The following GALNT14 variants were observed in gnomAD, a reference collection of about 807,000 sequenced individuals.
GALNT14 encodes the protein polypeptide N-acetylgalactosaminyltransferase 14, also known as UDP-GalNAc:polypeptide N-acetylgalactosaminyltransferase 14.
GALNT14 carries 60 observed loss-of-function variants against 77.5 expected under a neutral mutation model. The ratio of observed to expected loss-of-function variants is 0.77; its 90% confidence interval spans 0.63 to 0.96. The LOEUF is 0.96. Among genes scored for constraint, GALNT14 ranks in the 40% least tolerant of loss-of-function variants. The pLI, the probability that GALNT14 is intolerant of heterozygous loss-of-function variation, is 0.00. For missense variants in GALNT14, 710 were observed against 731.0 expected, an observed-to-expected ratio of 0.97 and a Z score of 0.33; for synonymous variants, 280 against 281.7, an observed-to-expected ratio of 0.99 and a Z score of 0.06.
At chr2:30,909,488 T>C (rs1303502343), downstream of GALNT14, among the ~76,000 whole-genome samples, 1 of 150,770 alleles carries the variant, frequency 6.6e-6, no homozygotes, top group African/African-American at 2.4e-5. Flanking sequence ...ATCAGAGAAA[T>C]GCAAATCAAA....
intron 1 of GALNT14, among the ~76,000 whole-genome samples, chr2:31,005,488 A>G (rs1347227954): frequency 1.3e-5 from 2 of 152,338 alleles, no homozygotes; most frequent in Admixed American, 6.5e-5. Context: ...CAGAAGTGAG[A>G]TGAGACATGA....
At chr2:31,099,615 A>T (rs1390584180) in intron 1 of GALNT14, among the ~76,000 whole-genome samples, 2 of 152,046 alleles carry the variant, frequency 1.3e-5, no homozygotes, top group East Asian at 3.9e-4. Context: ...ATTTTCACCC[A>T]CAGGGCTACC....
At chr2:31,096,207 C>G (rs1427506738) in intron 1 of GALNT14, among the ~76,000 whole-genome samples, 1 of 152,164 alleles carries the variant, frequency 6.6e-6, no homozygotes, top group East Asian at 1.9e-4. Context: ...AAGATACTCT[C>G]CTTATTTTAA....
chr2:31,136,378 T>C (rs1679230178), intron 1 of GALNT14, among the ~76,000 whole-genome samples: 1 of 152,194 alleles, frequency 6.6e-6, no homozygotes, highest in African/African-American at 2.4e-5. Context: ...TGGAATGCCC[T>C]TTCTACCTAC....
chr2:31,082,580 A>C (rs1422988046), intron 1 of GALNT14, among the ~76,000 whole-genome samples: 1 of 152,224 alleles, frequency 6.6e-6, no homozygotes, highest in East Asian at 1.9e-4. Context: ...CAGGTGAACT[A>C]ACTATAACCT....
At chr2:30,951,434 AGAG>A (rs2148304741) in intron 6 of GALNT14, among the ~76,000 whole-genome samples, 1 of 152,212 alleles carries the variant, frequency 6.6e-6, no homozygotes, top group South Asian at 2.1e-4. Flanking sequence ...GGCAGGGAGA[AGAG>A]GAGAATGAGG....
intron 1 of GALNT14, among the ~76,000 whole-genome samples, chr2:31,034,614 T>C (rs1672602188): frequency 6.6e-6 from 1 of 152,200 alleles, no homozygotes; most frequent in African/African-American, 2.4e-5. Context: ...TTAATTTTCT[T>C]CCTTCAGTTG....
intron 1 of GALNT14, among the ~76,000 whole-genome samples, chr2:31,091,942 G>A (rs1163097059): frequency 6.6e-6 from 1 of 152,124 alleles, no homozygotes; most frequent in Non-Finnish European, 1.5e-5. Flanking sequence ...TGCCAGTGCG[G>A]CTAGAATAAA....
intron 1 of GALNT14, among the ~76,000 whole-genome samples, chr2:31,024,268 T>C (rs1040056048): frequency 1.3e-5 from 2 of 152,094 alleles, no homozygotes; most frequent in Non-Finnish European, 2.9e-5. Flanking sequence ...CCTTAGAGAT[T>C]ATTCCCCACA....
intron 2 of GALNT14, among the ~76,000 whole-genome samples, chr2:30,974,726 C>T (rs1473522175): frequency 1.3e-5 from 2 of 152,200 alleles, no homozygotes; most frequent in Non-Finnish European, 2.9e-5. Context: ...CTGTGTTCAC[C>T]CCATTGCTGT....
At chr2:30,959,979 C>T (rs948073371) in intron 3 of GALNT14, among the ~76,000 whole-genome samples, 5 of 152,210 alleles carry the variant, frequency 3.3e-5, no homozygotes, top group Admixed American at 3.3e-4. Context: ...TGAGCCCTGA[C>T]TGGAGAGCAC....
At chr2:31,015,074 G>C (rs1671269074) in intron 1 of GALNT14, among the ~76,000 whole-genome samples, 1 of 152,094 alleles carries the variant, frequency 6.6e-6, no homozygotes, top group Non-Finnish European at 1.5e-5. Context: ...TGGATCACCT[G>C]AGGTCAGGAG....
intron 1 of GALNT14, chr2:31,114,635 A>C: frequency 1.6e-6 from 1 of 639,048 alleles, no homozygotes; most frequent in Non-Finnish European, 2.9e-6. Flanking sequence ...AGAAATTTCG[A>C]GAACAGACTC....
At chr2:31,114,959 C>T (rs964063252) in intron 1 of GALNT14, 10 of 617,062 alleles carry the variant, frequency 1.6e-5, no homozygotes, top group African/African-American at 1.1e-4. Context: ...AATGGAAAAC[C>T]ATCCAGGCCA....
At chr2:31,129,539 A>T in intron 1 of GALNT14, 1 of 985,418 alleles carries the variant, frequency 1.0e-6, no homozygotes, top group Non-Finnish European at 1.2e-6. Flanking sequence ...GGGTGCCTTA[A>T]TTAATCCACA....
chr2:30,981,743 T>A, intron 2 of GALNT14, among the ~76,000 whole-genome samples: 1 of 147,768 alleles, frequency 6.8e-6, no homozygotes, highest in South Asian at 2.1e-4. Flanking sequence ...AGTTTCCGCA[T>A]GCTTTTACCG....
At chr2:30,916,165 A>G (rs1437328559) in intron 13 of GALNT14, among the ~76,000 whole-genome samples, 2 of 152,220 alleles carry the variant, frequency 1.3e-5, no homozygotes, top group East Asian at 3.8e-4. Flanking sequence ...CTCAGACCTT[A>G]GTTATAGATT....
At chr2:31,136,565 T>C (rs1679236897) in intron 1 of GALNT14, among the ~76,000 whole-genome samples, 1 of 152,156 alleles carries the variant, frequency 6.6e-6, no homozygotes, top group African/African-American at 2.4e-5. Flanking sequence ...TATCTCTCTC[T>C]ACCCATAGCA....
intron 2 of GALNT14, among the ~76,000 whole-genome samples, chr2:30,982,624 T>G (rs1352144893): frequency 1.3e-5 from 2 of 152,210 alleles, no homozygotes; most frequent in African/African-American, 4.8e-5. Context: ...CTACAGCTTT[T>G]GAAGACAAGG....
Sources: gnomAD v4.1 joint callset for allele counts (sites outside exome capture counted in the v4.1 genomes callset) on GRCh38, gnomAD v4.1.1 for gene constraint, MANE v1.5 for transcripts, NCBI Gene and HGNC (gene_info 2026-07-23, HGNC 2026-07-21) for gene names.